CHD5: variants seen among roughly 807,000 people sequenced by gnomAD.
CHD5 encodes the protein ATP-dependent chromatin remodeler CHD5.
In CHD5, 69 loss-of-function variants were observed where a neutral mutation model predicts 230.3. The ratio of observed to expected loss-of-function variants is 0.30; its 90% confidence interval spans 0.25 to 0.37. The LOEUF (loss-of-function observed/expected upper bound fraction) is 0.37, where lower values mean the gene tolerates loss of function less well. Ranked by LOEUF, CHD5 falls within the 10% of genes least tolerant of loss-of-function variation. CHD5 has a pLI of 1.00. For missense variants in CHD5, 1,827 were observed against 2,622.8 expected (o/e 0.70, Z 6.63); for synonymous variants, 1,064 against 1,065.9 (o/e 1.00, Z 0.03).
At chr1:6,179,901 C>A in intron 1 of CHD5, 44 bp downstream of exon 1, 1 of 1,132,572 alleles carries the variant, frequency 8.8e-7, no homozygotes, top group Non-Finnish European at 1.1e-6. Context: ...CCCGTCTCGG[C>A]GCCCCCGCCG....
chr1:6,124,588 C>A lies in CHD5; in HGVS notation c.4468G>T (p.Val1490Leu), dbSNP rs1368486904. Residue 1490 changes from valine (V) to leucine (L), a missense_variant, in exon 30 of 42, where the codon GTG (valine) becomes TTG (leucine). By Grantham distance (32) the Val-to-Leu change is conservative (BLOSUM62 1). Transcript: ENST00000262450. ...ADGAETFADGVPREGLSRQHV... is the reference protein window; with the variant it reads ...ADGAETFADGLPREGLSRQHV... ...TGCCTGGAGAGGCCCTCCCGGGGCA[C>A]GCCGTCTGCGAAGGTCTCTGCACCA... 27 of 1,612,282 alleles carry A rather than the reference C, an allele frequency of 1.7e-5. No individual in the cohort carries two copies. Among genetic ancestry groups the A allele is most frequent in the Non-Finnish European group, 2.3e-5 (27 of 1,179,498 alleles).
intron 36 of CHD5, among the ~76,000 whole-genome samples, chr1:6,111,382 A>G (rs1666285340): frequency 6.6e-6 from 1 of 151,528 alleles, no homozygotes; most frequent in Non-Finnish European, 1.5e-5. Context: ...AAAAATACAA[A>G]AATTAGCCAG....
In CHD5 at chr1:6,115,413, T is replaced by G. The variant is rs562461405; in HGVS notation, c.4913-2415A>C. ...GACAAACTCGACTCCCCAGAGCAGGTTCCGTTTTGCGGCACGGGTGACCTT... is the reference window on the plus strand; with the variant it reads ...GACAAACTCGACTCCCCAGAGCAGGGTCCGTTTTGCGGCACGGGTGACCTT... On this transcript the variant is annotated intron_variant, in intron 33 of 41. Transcript: ENST00000262450. Among the ~76,000 whole-genome samples the G allele has an allele frequency of 5.3e-5, 8 of 152,254 alleles. 1 individual carries two copies. The East Asian group carries it at 7.7e-4, about 15-fold the overall frequency.
At chr1:6,106,588 G>C (rs748143247) in intron 39 of CHD5, 28 bp downstream of exon 39, 2 of 1,552,132 alleles carry the variant, frequency 1.3e-6, no homozygotes, top group Non-Finnish European at 8.7e-7. Flanking sequence ...CAGGGGGCTC[G>C]GGCCGGGGCA....
rs1666778905 is a variant in CHD5, at chr1:6,138,482, A to T, written c.2437-1617T>A. Among the ~76,000 whole-genome samples, 4 of 152,158 alleles carry T rather than the reference A, an allele frequency of 2.6e-5. No individual in the cohort carries two copies. In the South Asian group the frequency reaches 8.3e-4, roughly 31 times the overall value. ...TGCGAGCCCTGCATTTTCATTTTGCACCGGTCTCCCCCAGTGATGTAGGCC... is the reference window on the plus strand; with the variant it reads ...TGCGAGCCCTGCATTTTCATTTTGCTCCGGTCTCCCCCAGTGATGTAGGCC... On this transcript the variant is annotated intron_variant, in intron 15 of 41. Transcript: ENST00000262450.
intron 20 of CHD5, among the ~76,000 whole-genome samples, chr1:6,132,746 C>G (rs1206980983): frequency 6.6e-6 from 1 of 152,190 alleles, no homozygotes. Flanking sequence ...ATGCATGTTT[C>G]TATCCAATTG....
Position 6,130,132 on chromosome 1 carries a change from G to A in CHD5, c.3387+72C>T. On this transcript the variant is annotated intron_variant, in intron 22 of 41. Coordinates refer to ENST00000262450, the MANE Select transcript of CHD5 (RefSeq NM_015557.3). The surrounding 1 kb of genome is among the most constrained non-coding windows in gnomAD (Gnocchi z 4.9). The stretch of plus-strand genomic sequence containing the variant: ...GAGGGGGTGATGGCAAGAAGGGCAT[G>A]AAGGACAGAACCTGCCTGAGGCCCG... 3 of 1,567,096 alleles carry A rather than the reference G, an allele frequency of 1.9e-6. No homozygotes were observed. The highest frequency in any genetic ancestry group is 1.1e-5 in the South Asian group (1 of 88,694).
chr1:6,145,101 G>A (rs1298122885), intron 11 of CHD5, among the ~76,000 whole-genome samples: 2 of 152,230 alleles, frequency 1.3e-5, no homozygotes, highest in South Asian at 2.1e-4. Context: ...TCTCAGGGAG[G>A]CCTGGGGAGG....
chr1:6,130,472 C>T lies in CHD5; in HGVS notation c.3263-144G>A, dbSNP rs534096096. 2.7e-5 allele frequency: 21 copies of T among 777,950 alleles called. 1 individual carries two copies. Among genetic ancestry groups the T allele is most frequent in the Admixed American group, 1.0e-4 (4 of 38,980 alleles). 48.2% of individuals were successfully genotyped at this position (777,950 alleles called of 1,614,324 possible). The stretch of plus-strand genomic sequence containing the variant: ...ACAAAGCCGGAGACCCCATCAGAGA[C>T]GGGTGGCCACAGCTGCACTCAGGGG... On this transcript the variant is annotated intron_variant, in intron 21 of 41. Coordinates refer to ENST00000262450, the MANE Select transcript of CHD5 (RefSeq NM_015557.3). This position sits in a 1 kb window ranked among gnomAD's most constrained non-coding sequence, Gnocchi z 4.9.
intron 2 of CHD5, among the ~76,000 whole-genome samples, chr1:6,166,879 C>G (rs151090595): frequency 6.6e-6 from 1 of 152,146 alleles, no homozygotes; most frequent in Admixed American, 6.5e-5. Flanking sequence ...ACCTTGTTCA[C>G]GGGACAAGAG....
At chr1:6,156,617 A>G (rs2100870386) in intron 3 of CHD5, among the ~76,000 whole-genome samples, 1 of 151,606 alleles carries the variant, frequency 6.6e-6, no homozygotes, top group East Asian at 1.9e-4. Flanking sequence ...AGGACAGGCC[A>G]CTGCCAGTTT....
At position 6,134,519 on chromosome 1, in the gene CHD5, C is replaced by T. The variant is rs545908939; in HGVS notation, c.3012+199G>A. Among the ~76,000 whole-genome samples, 7 of 152,296 alleles carry T rather than the reference C, an allele frequency of 4.6e-5. No individual in the cohort carries two copies. The East Asian group carries it at 9.7e-4, about 21-fold the overall frequency. ...AGCCCTACCACAGCAGCGGGTTCCACGGTAAGTTCCCCAGCACCTACCAGA... is the reference window on the plus strand; with the variant it reads ...AGCCCTACCACAGCAGCGGGTTCCATGGTAAGTTCCCCAGCACCTACCAGA... On this transcript the variant is annotated intron_variant, in intron 19 of 41. Coordinates refer to ENST00000262450, the MANE Select transcript of CHD5 (RefSeq NM_015557.3). This position sits in a 1 kb window ranked among gnomAD's most constrained non-coding sequence, Gnocchi z 6.3.
intron 37 of CHD5, 23 bp from the exon 38 acceptor site, chr1:6,110,013 G>A (rs1458992156): frequency 4.0e-6 from 6 of 1,500,262 alleles, no homozygotes; most frequent in African/African-American, 1.4e-5. Flanking sequence ...CGCAGCGTCG[G>A]CCCGGCCCCT....
At chr1:6,111,241 A>G (rs1447414099) in intron 36 of CHD5, among the ~76,000 whole-genome samples, 3 of 104,934 alleles carry the variant, frequency 2.9e-5, no homozygotes, top group African/African-American at 6.1e-5. Flanking sequence ...AAAAAAAAAG[A>G]AAAAGAAAAA....
intron 38 of CHD5, among the ~76,000 whole-genome samples, chr1:6,108,898 G>GTGGAAGGATGGAGGCA (rs1666241072): frequency 6.6e-6 from 1 of 151,036 alleles, no homozygotes; most frequent in Admixed American, 6.6e-5. Flanking sequence ...TGATGGAGGG[G>GTGGAAGGATGGAGGCA]TGGAAGGATG....
Position 6,106,784 on chromosome 1 carries a change from G to T in CHD5, c.5579-5C>A. ...GCTCCTCCAGCTGGTTCAGGACTGT[G>T]GTGGGAGGCGGAGGGATGGTAGGAT... On this transcript the variant is annotated splice_polypyrimidine_tract_variant and splice_region_variant and intron_variant, in intron 38 of 41. Coordinates refer to ENST00000262450, the MANE Select transcript of CHD5 (RefSeq NM_015557.3). The T allele has an allele frequency of 6.2e-7, 1 of 1,609,192 alleles. No homozygotes were observed. The highest frequency in any genetic ancestry group is 1.1e-5 in the South Asian group (1 of 90,666).
rs1666752762 is a variant in CHD5 at position 6,136,786 on chromosome 1, A to T, written c.2516T>A (p.Ile839Asn). ...ITIDQAILGS[I>N]EWACLVVDEA... is the part of the protein sequence containing the mutation. ...ATCTACCACCAGGCAGGCCCACTCG[A>T]TGGAGCCCAGGATGGCCTGGTCAAT... The change falls in exon 16 of 42, where the codon ATC (isoleucine) becomes AAC (asparagine). Residue 839 changes from isoleucine (I) to asparagine (N), a missense_variant. Transcript: ENST00000262450. 1 of 1,613,682 alleles carries T rather than the reference A, an allele frequency of 6.2e-7. No homozygotes were observed. Among genetic ancestry groups the T allele is most frequent in the Non-Finnish European group, 8.5e-7 (1 of 1,179,784 alleles).
chr1:6,121,892 G>A lies in CHD5; in HGVS notation c.4700-319C>T, dbSNP rs1666478104. Among the ~76,000 whole-genome samples, 1 of 152,214 alleles carries A rather than the reference G, an allele frequency of 6.6e-6. No homozygotes were observed. The highest frequency in any genetic ancestry group is 2.4e-5 in the African/African-American group (1 of 41,470). On this transcript the variant is annotated intron_variant, in intron 31 of 41. Transcript: ENST00000262450. The surrounding 1 kb of genome is among the most constrained non-coding windows in gnomAD (Gnocchi z 4.5). ...GATGGAGGCCCAGATTGGGAGCCAC[G>A]ACACCCGCTCTGGTCCCAGCTTTCG...
chr1:6,124,048 C>T lies in CHD5; in HGVS notation c.4599G>A (p.Gly1533=). The stretch of plus-strand genomic sequence containing the variant: ...CCTCGCCCGACTTCTTCCCCTCGGG[C>T]CCCTCAGGGATCAAGTCTGGGGTGC... ...KYSTPDLIPE[G]PEGKKSGEVI... The change falls in exon 31 of 42, where the codon GGG becomes GGA. Residue 1533 remains glycine, a synonymous_variant. Transcript: ENST00000262450. The T allele has an allele frequency of 6.2e-7, 1 of 1,613,318 alleles. No individual in the cohort carries two copies. The highest frequency in any genetic ancestry group is 1.1e-5 in the South Asian group (1 of 91,012).
Sources: gnomAD v4.1 joint callset for allele counts (sites outside exome capture counted in the v4.1 genomes callset) on GRCh38, gnomAD v4.1.1 for gene constraint, Gnocchi (gnomAD v3.1) non-coding constraint, MANE v1.5 for transcripts, NCBI Gene and HGNC (gene_info 2026-07-23, HGNC 2026-07-21) for gene names.